VWA8: variants seen among roughly 807,000 people sequenced by gnomAD.
VWA8 encodes von Willebrand factor A domain containing 8, also known as von Willebrand factor A domain-containing protein 8.
Under a neutral mutation model 241.5 loss-of-function variants are expected in VWA8, and 221 were observed. The ratio of observed to expected loss-of-function variants is 0.91; its 90% CI spans 0.82 to 1.02. The LOEUF (loss-of-function observed/expected upper bound fraction) is 1.02, where lower values mean the gene tolerates loss of function less well. Ranked by LOEUF, VWA8 falls within the 50% of genes least tolerant of loss-of-function variation. The probability of loss-of-function intolerance (pLI) is 0.00; values close to 1 mark genes in which losing one functional copy is unlikely to be tolerated. For synonymous variants in VWA8, 852 were observed against 827.1 expected (o/e 1.03, Z -0.52); for missense variants, 2,322 against 2,328.7 (o/e 1.00, Z 0.06).
chr13:41,768,578 G>A (rs2045795719), intron 20 of VWA8, among the ~76,000 whole-genome samples: 1 of 152,112 alleles, frequency 6.6e-6, no homozygotes, highest in South Asian at 2.1e-4. Context: ...AAAATCAAAT[G>A]CTATGAAACG....
chr13:41,693,012 CTTT>C (rs71706492), intron 29 of VWA8, 40 bp from the exon 30 acceptor site: 4,505 of 1,074,608 alleles, frequency 4.2e-3, no homozygotes, highest in Admixed American at 7.7e-3. Flanking sequence ...AAGATTTGTT[CTTT>C]TTTTTTTTTT....
chr13:41,801,314 A>G (rs1308094658), intron 17 of VWA8, among the ~76,000 whole-genome samples: 1 of 152,190 alleles, frequency 6.6e-6, no homozygotes, highest in Non-Finnish European at 1.5e-5. Flanking sequence ...CTCTGAAGAC[A>G]CTAAAGAGGA....
intron 37 of VWA8, among the ~76,000 whole-genome samples, chr13:41,648,213 TA>T (rs1408097026): frequency 1.3e-5 from 2 of 152,126 alleles, no homozygotes; most frequent in East Asian, 1.9e-4. Flanking sequence ...ATAATGATGA[TA>T]AAAAAAGATT....
chr13:41,687,732 T>C (rs1296291762), intron 34 of VWA8, among the ~76,000 whole-genome samples: 1 of 152,136 alleles, frequency 6.6e-6, no homozygotes, highest in African/African-American at 2.4e-5. Context: ...CCTAAAAGTA[T>C]TACTGTCATC....
At chr13:41,858,538 G>A (rs780446761) in intron 12 of VWA8, among the ~76,000 whole-genome samples, 23 of 151,970 alleles carry the variant, frequency 1.5e-4, no homozygotes, top group Middle Eastern at 3.2e-3. Context: ...CCCGGGAGGC[G>A]GAGGTTGCAG....
chr13:41,912,966 T>C (rs960608306), intron 2 of VWA8, among the ~76,000 whole-genome samples: 5 of 152,062 alleles, frequency 3.3e-5, no homozygotes, highest in African/African-American at 9.7e-5. Context: ...ACCTTGTACA[T>C]CAAGAGACAT....
At chr13:41,710,933 T>C (rs976886183) in intron 26 of VWA8, among the ~76,000 whole-genome samples, 1 of 152,208 alleles carries the variant, frequency 6.6e-6, no homozygotes, top group Non-Finnish European at 1.5e-5. Flanking sequence ...CTGCTATTGA[T>C]GGCACAACTA....
chr13:41,755,356 A>C (rs994118529), intron 21 of VWA8, among the ~76,000 whole-genome samples: 1 of 151,976 alleles, frequency 6.6e-6, no homozygotes, highest in Non-Finnish European at 1.5e-5. Flanking sequence ...TTCACTTCCA[A>C]CTTTACATAG....
intron 37 of VWA8, among the ~76,000 whole-genome samples, chr13:41,633,359 A>G (rs2044737763): frequency 6.6e-6 from 1 of 152,214 alleles, no homozygotes. Context: ...GGTACATCAC[A>G]GAAGCTCAGG....
intron 21 of VWA8, among the ~76,000 whole-genome samples, chr13:41,734,810 C>G (rs888086520): frequency 2.6e-5 from 4 of 152,082 alleles, no homozygotes; most frequent in Admixed American, 6.6e-5. Context: ...TTTATCTTCT[C>G]TAAAAAACAA....
intron 29 of VWA8, 138 bp downstream of exon 29, chr13:41,698,933 A>G: frequency 8.9e-7 from 1 of 1,123,264 alleles, no homozygotes; most frequent in South Asian, 1.5e-5. Context: ...AGTACTGATA[A>G]AATGCAACTC....
rs180756018 is a variant in VWA8 at position 41,933,137 on chromosome 13, C to T, written c.241+16799G>A. Among the ~76,000 whole-genome samples, 52 of 151,934 alleles carry T rather than the reference C, an allele frequency of 3.4e-4. No individual in the cohort carries two copies. The East Asian group carries it at 9.1e-3, about 26-fold the overall frequency. On this transcript the variant is annotated intron_variant, in intron 2 of 44. Coordinates refer to ENST00000379310, the MANE Select transcript of VWA8 (RefSeq NM_015058.2). The stretch of plus-strand genomic sequence containing the variant: ...CTAGAACTAATAAGCGAGTTTTGCA[C>T]GGCCTCAAGATTCAAGATTAGTATA...
At chr13:41,836,782 G>A (rs968652987) in intron 12 of VWA8, among the ~76,000 whole-genome samples, 5 of 152,114 alleles carry the variant, frequency 3.3e-5, no homozygotes, top group Admixed American at 6.5e-5. Flanking sequence ...ATTTGCTAAA[G>A]TAAAATGAAT....
intron 14 of VWA8, among the ~76,000 whole-genome samples, chr13:41,827,348 C>T (rs1413124649): frequency 6.6e-6 from 1 of 152,052 alleles, no homozygotes; most frequent in Non-Finnish European, 1.5e-5. Flanking sequence ...CATTAATTTT[C>T]CATGTAGAAA....
rs1293491856 is a variant in VWA8, at chr13:41,571,321, C to T, written c.5371-615G>A. Among the ~76,000 whole-genome samples the T allele has an allele frequency of 2.1e-5, 3 of 142,538 alleles. No individual in the cohort carries two copies. The East Asian group carries it at 7.1e-4, about 34-fold the overall frequency. 93.5% of individuals were successfully genotyped at this position (142,538 alleles called of 152,430 possible). On this transcript the variant is annotated intron_variant, in intron 43 of 44. Coordinates refer to ENST00000379310, the MANE Select transcript of VWA8 (RefSeq NM_015058.2). ...GTCTCCCTCTCCCTCCTCCCTCTCC[C>T]TCTCCCGTCTCCCTCTCCCTCTCCC...
intron 40 of VWA8, among the ~76,000 whole-genome samples, chr13:41,592,527 G>T (rs1360096738): frequency 6.7e-6 from 1 of 148,728 alleles, no homozygotes; most frequent in Non-Finnish European, 1.5e-5. Flanking sequence ...TTGACACCAA[G>T]GAATGAATAA....
intron 42 of VWA8, among the ~76,000 whole-genome samples, chr13:41,581,009 T>A (rs952636805): frequency 2.6e-5 from 2 of 75,654 alleles, no homozygotes; most frequent in Admixed American, 1.5e-4. Flanking sequence ...TATTTTATTT[T>A]ATTTTTTTTT....
At chr13:41,773,042 G>C (rs1207317931) in intron 20 of VWA8, among the ~76,000 whole-genome samples, 1 of 152,208 alleles carries the variant, frequency 6.6e-6, no homozygotes, top group Non-Finnish European at 1.5e-5. Flanking sequence ...TTTGCAAACA[G>C]AAGGCTGTGT....
chr13:41,571,347 G>GCCTCCCTCTCCCGTCTCCC (rs2044302520), intron 43 of VWA8, among the ~76,000 whole-genome samples: 1 of 104,510 alleles, frequency 9.6e-6, no homozygotes, highest in Non-Finnish European at 2.0e-5. Flanking sequence ...TCCCTCTCCC[G>GCCTCCCTCTCCCGTCTCCC]TCTCCCTCTC....
Sources: allele counts gnomAD v4.1 joint callset (sites outside exome capture counted in the v4.1 genomes callset), GRCh38; gene constraint gnomAD v4.1.1; transcripts MANE v1.5; gene names NCBI Gene and HGNC (gene_info 2026-07-23, HGNC 2026-07-21).